The following MGAT5 variants were observed in gnomAD, a reference collection of about 807,000 sequenced individuals.
MGAT5 encodes alpha-1,6-mannosylglycoprotein 6-beta-N-acetylglucosaminyltransferase, also known as alpha-1,6-mannosylglycoprotein 6-beta-N-acetylglucosaminyltransferase A.
In MGAT5, 30 loss-of-function variants were observed where a neutral mutation model predicts 94.3. The ratio of observed to expected loss-of-function variants is 0.32; its 90% CI spans 0.24 to 0.43. The LOEUF (loss-of-function observed/expected upper bound fraction) is 0.43. Ranked by LOEUF, MGAT5 falls within the 20% of genes least tolerant of loss-of-function variation. The pLI is 1.00. For synonymous variants in MGAT5, 310 were observed against 322.9 expected (o/e 0.96, Z 0.43); for missense variants, 691 against 905.5 (o/e 0.76, Z 3.04).
chr2:134,294,339 C>T (rs1449018004), intron 2 of MGAT5, among the ~76,000 whole-genome samples: 4 of 152,036 alleles, frequency 2.6e-5, no homozygotes, highest in Non-Finnish European at 4.4e-5. Flanking sequence ...AAGGTCTTAA[C>T]GTAGGGGCTT....
At chr2:134,388,221 T>C (rs963604996) in intron 10 of MGAT5, among the ~76,000 whole-genome samples, 3 of 152,202 alleles carry the variant, frequency 2.0e-5, no homozygotes, top group African/African-American at 7.2e-5. Flanking sequence ...TCTTTTTCTT[T>C]AAATTTTGCC....
chr2:134,269,781 T>C (rs1359111202), intron 1 of MGAT5, among the ~76,000 whole-genome samples: 2 of 152,220 alleles, frequency 1.3e-5, no homozygotes, highest in African/African-American at 4.8e-5. Flanking sequence ...TGGCACATAG[T>C]AGTAGCTTAA....
rs148749135 is a variant in MGAT5, at chr2:134,423,365, C to T, written c.1794+446C>T. ...TAGTAGAATTTTGTAAAAGTAACTA[C>T]ATTTCTGGCCTCTTCTGATCAATTC... On this transcript the variant is annotated intron_variant, in intron 13 of 15. Coordinates refer to ENST00000281923, the MANE Select transcript of MGAT5 (RefSeq NM_002410.5). Among the ~76,000 whole-genome samples the T allele has an allele frequency of 2.6e-3, 390 of 152,330 alleles. 1 individual carries two copies. The highest frequency in any genetic ancestry group is 8.9e-3 in the African/African-American group (372 of 41,578).
chr2:134,332,433 T>C (rs940454020), intron 4 of MGAT5, among the ~76,000 whole-genome samples: 1 of 151,792 alleles, frequency 6.6e-6, no homozygotes, highest in African/African-American at 2.4e-5. Context: ...ATACAAAAAT[T>C]AATTCAAGAT....
chr2:134,190,063 A>G (rs926657553), intron 1 of MGAT5, among the ~76,000 whole-genome samples: 2 of 152,190 alleles, frequency 1.3e-5, no homozygotes, highest in Non-Finnish European at 2.9e-5. Flanking sequence ...ATTCTTTGGG[A>G]ATCCACTGAG....
rs113236753 is a variant in MGAT5 at position 134,420,594 on chromosome 2, T to C, written c.1678-2209T>C. Among the ~76,000 whole-genome samples the C allele has an allele frequency of 8.3e-3, 1,262 of 151,940 alleles. 20 individuals are homozygous for C. Among genetic ancestry groups the C allele is most frequent in the African/African-American group, 0.028 (1,173 of 41,322 alleles). On this transcript the variant is annotated intron_variant, in intron 12 of 15. Transcript: ENST00000281923. Reference sequence around the variant, plus strand: ...TAAGGGAAAGACGGAGGGGTGCCAGTTAATTCCTCTAGCCCTGTGAGTATC... The same window carrying C: ...TAAGGGAAAGACGGAGGGGTGCCAGCTAATTCCTCTAGCCCTGTGAGTATC...
intron 13 of MGAT5, among the ~76,000 whole-genome samples, chr2:134,423,352 G>A (rs3791310): frequency 0.11 from 16,255 of 152,234 alleles, 1,264 homozygotes; most frequent in African/African-American, 0.21. Flanking sequence ...GTAGAATTTT[G>A]TAAAAGTAAC....
intron 1 of MGAT5, among the ~76,000 whole-genome samples, chr2:134,173,662 G>A (rs1688326752): frequency 6.6e-6 from 1 of 152,140 alleles, no homozygotes; most frequent in African/African-American, 2.4e-5. Context: ...GAGGCCTCTT[G>A]GCGCTCTCAG....
intron 12 of MGAT5, among the ~76,000 whole-genome samples, chr2:134,422,538 A>G (rs1684358241): frequency 1.3e-5 from 2 of 152,080 alleles, no homozygotes; most frequent in Non-Finnish European, 2.9e-5. Flanking sequence ...TCATTTCTTG[A>G]TGTGATGTTG....
intron 2 of MGAT5, among the ~76,000 whole-genome samples, chr2:134,311,331 G>A (rs1033806686): frequency 6.6e-6 from 1 of 152,048 alleles, no homozygotes. Context: ...TCAGATGCCT[G>A]TCCAGAACTA....
chr2:134,198,874 A>T (rs1679628631), intron 1 of MGAT5, among the ~76,000 whole-genome samples: 1 of 152,200 alleles, frequency 6.6e-6, no homozygotes, highest in South Asian at 2.1e-4. Context: ...TGTAAATATT[A>T]GGTATTTAGT....
At chr2:134,406,022 C>T (rs185044557) in intron 11 of MGAT5, among the ~76,000 whole-genome samples, 27 of 152,310 alleles carry the variant, frequency 1.8e-4, no homozygotes, top group Admixed American at 1.2e-3. Context: ...GGACCACAGC[C>T]GAGTCATTCA....
At chr2:134,415,753 T>G (rs549971991) in intron 12 of MGAT5, among the ~76,000 whole-genome samples, 3 of 152,306 alleles carry the variant, frequency 2.0e-5, no homozygotes, top group African/African-American at 7.2e-5. Context: ...CTGTTTCAGG[T>G]CTTATATTGA....
intron 9 of MGAT5, among the ~76,000 whole-genome samples, chr2:134,358,460 C>T (rs976671434): frequency 3.3e-5 from 5 of 152,058 alleles, no homozygotes; most frequent in Admixed American, 3.3e-4. Flanking sequence ...GTGTTTATTG[C>T]AGAAGTCTTA....
At chr2:134,306,950 A>T (rs1160883387) in intron 2 of MGAT5, among the ~76,000 whole-genome samples, 1 of 151,998 alleles carries the variant, frequency 6.6e-6, no homozygotes, top group Non-Finnish European at 1.5e-5. Context: ...CTGCTGATAC[A>T]TTTCAGTGTC....
At chr2:134,295,063 A>G (rs1022825904) in intron 2 of MGAT5, among the ~76,000 whole-genome samples, 3 of 152,220 alleles carry the variant, frequency 2.0e-5, no homozygotes, top group African/African-American at 7.2e-5. Flanking sequence ...GAAAGTAAAA[A>G]TGGCCTTGCT....
intron 9 of MGAT5, among the ~76,000 whole-genome samples, chr2:134,353,329 A>G (rs1382222096): frequency 6.6e-6 from 1 of 152,224 alleles, no homozygotes; most frequent in Non-Finnish European, 1.5e-5. Flanking sequence ...GTGGCTTTAA[A>G]AGACAATCTT....
intron 10 of MGAT5, among the ~76,000 whole-genome samples, chr2:134,366,415 C>A (rs775459534): frequency 5.0e-4 from 76 of 152,330 alleles, no homozygotes; most frequent in Admixed American, 7.8e-4. Context: ...CTTATGTATT[C>A]ATGATCCTAC....
At chr2:134,367,322 GA>G (rs1213617776) in intron 10 of MGAT5, among the ~76,000 whole-genome samples, 7 of 152,162 alleles carry the variant, frequency 4.6e-5, no homozygotes, top group African/African-American at 1.7e-4. Context: ...TGAGGAAATG[GA>G]AAATATAAGC....
Sources: gnomAD v4.1 joint callset for allele counts (sites outside exome capture counted in the v4.1 genomes callset) on GRCh38, gnomAD v4.1.1 for gene constraint, MANE v1.5 for transcripts, NCBI Gene and HGNC (gene_info 2026-07-23, HGNC 2026-07-21) for gene names.